ANKRD12: variants seen among roughly 807,000 people sequenced by gnomAD.
ANKRD12 encodes ankyrin repeat domain-containing protein 12.
A neutral mutation model predicts 183.4 loss-of-function variants in ANKRD12; 85 were observed. That is an observed-to-expected ratio of 0.46 (90% CI 0.39 to 0.56). The LOEUF (loss-of-function observed/expected upper bound fraction) is 0.56, where lower values mean the gene tolerates loss of function less well. ANKRD12 is among the 20% of genes least tolerant of loss of function. The pLI, the probability that ANKRD12 is intolerant of heterozygous loss-of-function variation, is 0.00. For missense variants in ANKRD12, 2,405 were observed against 2,357.1 expected (o/e 1.02, Z -0.42); for synonymous variants, 914 against 800.2 (o/e 1.14, Z -2.40).
intron 8 of ANKRD12, among the ~76,000 whole-genome samples, chr18:9,250,690 C>T (rs2038239589): frequency 6.6e-6 from 1 of 152,108 alleles, no homozygotes; most frequent in Non-Finnish European, 1.5e-5. Context: ...GCATTCCAGC[C>T]TGGGCAACAG....
intron 1 of ANKRD12, among the ~76,000 whole-genome samples, chr18:9,142,157 G>C (rs1208752117): frequency 6.6e-6 from 1 of 152,162 alleles, no homozygotes; most frequent in Non-Finnish European, 1.5e-5. Flanking sequence ...AGTTTTGTCA[G>C]CATTCTGACT....
chr18:9,169,908 G>C, intron 1 of ANKRD12, among the ~76,000 whole-genome samples: 1 of 152,234 alleles, frequency 6.6e-6, no homozygotes, highest in East Asian at 1.9e-4. Context: ...GGCAGGCCTG[G>C]TAGTGACAAA....
At chr18:9,267,683 T>TTG (rs1230312937) in intron 10 of ANKRD12, among the ~76,000 whole-genome samples, 1 of 151,780 alleles carries the variant, frequency 6.6e-6, no homozygotes, top group Admixed American at 6.6e-5. Flanking sequence ...AGATCTAAAA[T>TTG]TGACACCCTA....
intron 1 of ANKRD12, among the ~76,000 whole-genome samples, chr18:9,145,650 G>C (rs941304455): frequency 2.6e-5 from 4 of 152,192 alleles, no homozygotes; most frequent in Non-Finnish European, 4.4e-5. Flanking sequence ...GTGGCAAGAG[G>C]GTGGTCTGAC....
At position 9,255,581 on chromosome 18, in the gene ANKRD12, GAA is replaced by G. The variant is rs1213746880; in HGVS notation, c.2315_2316del (p.Glu772GlyfsTer9). ...GGAGGAAAAAATAAAAGATCTAAAAGAAGAGAGAGAAAACATACCCACAGATA... is the reference window on the plus strand; with the variant it reads ...GGAGGAAAAAATAAAAGATCTAAAAGGAGAGAGAAAACATACCCACAGATA... ...FREEKIKDLK[E>X]ERENIPTDKD... On this transcript the variant is annotated frameshift_variant, in exon 9 of 13. Transcript: ENST00000262126. LOFTEE classifies it high-confidence loss of function. The G allele has an allele frequency of 1.3e-6, 2 of 1,567,794 alleles. No homozygotes were observed. Among genetic ancestry groups the G allele is most frequent in the African/African-American group, 1.4e-5 (1 of 71,960 alleles).
chr18:9,203,535 T>G (rs1335475184), intron 3 of ANKRD12, among the ~76,000 whole-genome samples: 1 of 152,212 alleles, frequency 6.6e-6, no homozygotes, highest in Non-Finnish European at 1.5e-5. Flanking sequence ...ATTGTCCATA[T>G]TCATATTTCT....
chr18:9,176,201 T>C (rs1037134559), intron 1 of ANKRD12, among the ~76,000 whole-genome samples: 6 of 152,246 alleles, frequency 3.9e-5, no homozygotes, highest in Non-Finnish European at 8.8e-5. Flanking sequence ...GTTTGCCTAA[T>C]ATCTTTGAAT....
chr18:9,171,009 G>A lies in ANKRD12; in HGVS notation c.-51-11373G>A, dbSNP rs114330791. 4.0e-3 allele frequency among the ~76,000 whole-genome samples: 606 copies of A among 152,296 alleles called. 3 individuals are homozygous for A. Among genetic ancestry groups the A allele is most frequent in the African/African-American group, 0.014 (572 of 41,560 alleles). On this transcript the variant is annotated intron_variant, in intron 1 of 12. Coordinates refer to ENST00000262126, the MANE Select transcript of ANKRD12 (RefSeq NM_015208.5). ...TGCCTGGGTTTCAGTAGCAGTGGCT[G>A]CAGAAGCGCAGATGTTGGTGAACCG...
At chr18:9,195,356 A>G (rs2034716162) in intron 2 of ANKRD12, among the ~76,000 whole-genome samples, 195 bp from the exon 3 acceptor site, 1 of 152,192 alleles carries the variant, frequency 6.6e-6, no homozygotes, top group African/African-American at 2.4e-5. Context: ...ATATAAAATT[A>G]TGTTATTAAA....
At chr18:9,181,349 T>TA (rs2033686159) in intron 1 of ANKRD12, among the ~76,000 whole-genome samples, 1 of 152,228 alleles carries the variant, frequency 6.6e-6, no homozygotes, top group South Asian at 2.1e-4. Context: ...ATTTTACTAA[T>TA]ACTCTGTTCA....
chr18:9,260,392 A>G (rs1042314442), intron 9 of ANKRD12: 1 of 152,222 alleles, frequency 6.6e-6, no homozygotes, highest in African/African-American at 2.4e-5. Context: ...GGTAAAACAT[A>G]CCCAGAGTCA....
In ANKRD12 at chr18:9,261,099, C is replaced by T. The variant is rs2038938526; in HGVS notation, c.5664+2168C>T. On this transcript the variant is annotated intron_variant, in intron 9 of 12. Coordinates refer to ENST00000262126, the MANE Select transcript of ANKRD12 (RefSeq NM_015208.5). ...GAACCCATTTCCTTCACTCCCTCCTCCATCTCACACCAACACAATAGTAAG... is the reference window on the plus strand; with the variant it reads ...GAACCCATTTCCTTCACTCCCTCCTTCATCTCACACCAACACAATAGTAAG... 2.0e-5 allele frequency among the ~76,000 whole-genome samples: 3 copies of T among 152,196 alleles called. No homozygotes were observed. The South Asian group carries it at 6.2e-4, about 31-fold the overall frequency.
At chr18:9,189,837 A>T (rs2034340929) in intron 2 of ANKRD12, among the ~76,000 whole-genome samples, 1 of 152,216 alleles carries the variant, frequency 6.6e-6, no homozygotes, top group African/African-American at 2.4e-5. Flanking sequence ...GCTGTCACCC[A>T]AGAGCTCTGA....
intron 1 of ANKRD12, among the ~76,000 whole-genome samples, chr18:9,141,515 G>A (rs995028554): frequency 6.6e-6 from 1 of 152,134 alleles, no homozygotes; most frequent in Non-Finnish European, 1.5e-5. Flanking sequence ...CTCCAAAATT[G>A]TAAGAAACTT....
At position 9,225,316 on chromosome 18, in the gene ANKRD12, A is replaced by C. The variant is rs1161903939; in HGVS notation, c.943+3317A>C. ...TGGTGAAACCCCATCTCTACAAAAA[A>C]TACAAAAATTAGCCAGGCATGGTGG... On this transcript the variant is annotated intron_variant, in intron 8 of 12. Transcript: ENST00000262126. Among the ~76,000 whole-genome samples the C allele has an allele frequency of 4.4e-5, 4 of 91,014 alleles. 1 individual carries two copies. The highest frequency in any genetic ancestry group is 1.3e-4 in the African/African-American group (4 of 31,192). The allele number at this position is 91,014 out of a possible 152,430, so 59.7% of individuals were successfully genotyped here.
At position 9,159,640 on chromosome 18, in the gene ANKRD12, C is replaced by T. The variant is rs535522302; in HGVS notation, c.-52+22675C>T. Among the ~76,000 whole-genome samples, 337 of 151,022 alleles carry T rather than the reference C, an allele frequency of 2.2e-3. 1 individual carries two copies. The Middle Eastern group carries it at 0.034, about 15-fold the overall frequency. ...ATTTTTAGTAGAGACAGGGTTTCGC[C>T]GTGTTAGCCAGGATGGTCTCGATCT... On this transcript the variant is annotated intron_variant, in intron 1 of 12. Coordinates refer to ENST00000262126, the MANE Select transcript of ANKRD12 (RefSeq NM_015208.5).
At chr18:9,205,898 T>C (rs2035460397) in intron 4 of ANKRD12, among the ~76,000 whole-genome samples, 1 of 152,108 alleles carries the variant, frequency 6.6e-6, no homozygotes, top group Admixed American at 6.6e-5. Flanking sequence ...CTAATAGGTT[T>C]ATGAACCAAG....
chr18:9,180,768 T>C (rs2033642930), intron 1 of ANKRD12, among the ~76,000 whole-genome samples: 1 of 152,202 alleles, frequency 6.6e-6, no homozygotes, highest in Admixed American at 6.5e-5. Flanking sequence ...TGAAAAATGG[T>C]GTAAGCTTTT....
chr18:9,172,308 A>C (rs980131418), intron 1 of ANKRD12, among the ~76,000 whole-genome samples: 4 of 152,106 alleles, frequency 2.6e-5, no homozygotes, highest in Non-Finnish European at 5.9e-5. Flanking sequence ...GATATCCTGA[A>C]GTATGTTTTC....
Sources: allele counts gnomAD v4.1 joint callset (sites outside exome capture counted in the v4.1 genomes callset), GRCh38; gene constraint gnomAD v4.1.1; transcripts MANE v1.5; gene names NCBI Gene and HGNC (gene_info 2026-07-23, HGNC 2026-07-21).